ERICH2: variants seen among roughly 807,000 people sequenced by gnomAD.
ERICH2 encodes glutamate rich 2, also known as glutamate-rich protein 2.
A neutral mutation model predicts 17.4 loss-of-function variants in ERICH2; 17 were observed. The ratio of observed to expected loss-of-function variants is 0.98; its 90% CI spans 0.67 to 1.47. The LOEUF (loss-of-function observed/expected upper bound fraction) is 1.47, where lower values mean the gene tolerates loss of function less well. Ranked by LOEUF, ERICH2 falls within the 40% of genes most tolerant of loss-of-function variation. The pLI is 0.00. For missense variants in ERICH2, 186 were observed against 183.2 expected, an observed-to-expected ratio of 1.01 and a Z score of -0.09; for synonymous variants, 51 against 61.1, an observed-to-expected ratio of 0.83 and a Z score of 0.77.
chr2:170,796,434 T>TTG (rs1701420381), intron 3 of ERICH2, among the ~76,000 whole-genome samples: 1 of 26,104 alleles, frequency 3.8e-5, no homozygotes, highest in African/African-American at 9.3e-5. Context: ...CTTTGTTTTT[T>TTG]TTTTTGTTTT....
Position 170,798,245 on chromosome 2 carries a change from G to A in ERICH2, c.346+133G>A, listed in dbSNP as rs1330425970. 5 of 668,218 alleles carry A rather than the reference G, an allele frequency of 7.5e-6. No homozygotes were observed. The East Asian group carries it at 1.1e-4, about 15-fold the overall frequency. The allele number at this position is 668,218 out of a possible 1,614,324, so 41.4% of individuals were successfully genotyped here. On this transcript the variant is annotated intron_variant, in intron 4 of 4. Coordinates refer to ENST00000409885, the Ensembl canonical transcript of ERICH2. Reference sequence around the variant, plus strand: ...AAAAGGCTAAATGGCTGTCTTAAATGGTTTAGTGAAACAGCTTGTCCTCTG... The same window carrying A: ...AAAAGGCTAAATGGCTGTCTTAAATAGTTTAGTGAAACAGCTTGTCCTCTG...
At chr2:170,781,579 G>A (rs937730136), upstream of ERICH2, among the ~76,000 whole-genome samples, 1 of 151,128 alleles carries the variant, frequency 6.6e-6, no homozygotes, top group Non-Finnish European at 1.5e-5. Context: ...GTTGCAGTGA[G>A]CCGAGATCGC....
upstream of ERICH2, among the ~76,000 whole-genome samples, chr2:170,782,728 A>AT (rs1318974381): frequency 2.0e-5 from 3 of 152,222 alleles, no homozygotes; most frequent in Non-Finnish European, 4.4e-5. Flanking sequence ...CAAAATAGGG[A>AT]AAGCCCTTGT....
the ERICH2 span, among the ~76,000 whole-genome samples, chr2:170,774,155 C>G: frequency 6.6e-6 from 1 of 152,104 alleles, no homozygotes; most frequent in Admixed American, 6.5e-5. Flanking sequence ...CTGCTTTTTC[C>G]CTGGAGTCAG....
chr2:170,782,438 A>G (rs1238578560), upstream of ERICH2: 1 of 916,596 alleles, frequency 1.1e-6, no homozygotes, highest in Non-Finnish European at 1.3e-6. Flanking sequence ...TTCTAATTGA[A>G]CCCTCCTTTT....
At chr2:170,778,165 T>TA in the ERICH2 span, 6 of 152,294 alleles carry the variant, frequency 3.9e-5, no homozygotes, top group African/African-American at 1.4e-4. Flanking sequence ...AGATCAAGTG[T>TA]AAAAAAATCA....
At chr2:170,775,881 G>A in the ERICH2 span, among the ~76,000 whole-genome samples, 19 of 151,386 alleles carry the variant, frequency 1.3e-4, no homozygotes, top group South Asian at 2.1e-4. Context: ...AAAACAATAC[G>A]AAATAATGAC....
chr2:170,794,078 C>T, intron 3 of ERICH2, among the ~76,000 whole-genome samples: 1 of 144,286 alleles, frequency 6.9e-6, no homozygotes. Context: ...TTCTTTCCTT[C>T]CTTCCTTCCT....
chr2:170,780,473 A>G (rs980192083), upstream of ERICH2, among the ~76,000 whole-genome samples: 1 of 152,188 alleles, frequency 6.6e-6, no homozygotes, highest in South Asian at 2.1e-4. Flanking sequence ...CCAAATAGTA[A>G]TATTCCATTT....
upstream of ERICH2, among the ~76,000 whole-genome samples, chr2:170,779,341 A>G (rs527751467): frequency 3.3e-5 from 5 of 152,300 alleles, no homozygotes; most frequent in East Asian, 1.9e-4. Context: ...AGGGAAAACT[A>G]AAAGTTTTTT....
intron 3 of ERICH2, among the ~76,000 whole-genome samples, chr2:170,797,588 A>G (rs762028723): frequency 1.3e-5 from 2 of 152,116 alleles, no homozygotes; most frequent in African/African-American, 2.4e-5. Flanking sequence ...ACCTGAGGTC[A>G]GGAGTTTGAG....
At chr2:170,772,283 C>T in the ERICH2 span, among the ~76,000 whole-genome samples, 1 of 152,194 alleles carries the variant, frequency 6.6e-6, no homozygotes, top group African/African-American at 2.4e-5. Flanking sequence ...TCATTTGTGA[C>T]AGTTCACCTT....
upstream of ERICH2, among the ~76,000 whole-genome samples, chr2:170,782,955 A>G (rs1369193895): frequency 1.3e-5 from 2 of 152,020 alleles, no homozygotes; most frequent in African/African-American, 4.8e-5. Flanking sequence ...AAAAATTGCC[A>G]AGCACGCTAG....
intron 2 of ERICH2, among the ~76,000 whole-genome samples, chr2:170,788,937 CTTCTTCT>C (rs1285440261): frequency 1.8e-4 from 11 of 62,794 alleles, no homozygotes; most frequent in Non-Finnish European, 3.9e-4. Flanking sequence ...CCATATTCTT[CTTCTTCT>C]TTCTTTCTTT....
At chr2:170,794,989 G>C (rs577166364) in intron 3 of ERICH2, among the ~76,000 whole-genome samples, 1 of 152,218 alleles carries the variant, frequency 6.6e-6, no homozygotes, top group African/African-American at 2.4e-5. Flanking sequence ...CACAAATATA[G>C]AATTTTTTTT....
chr2:170,782,039 A>G (rs533406909), upstream of ERICH2, among the ~76,000 whole-genome samples: 20 of 152,360 alleles, frequency 1.3e-4, no homozygotes, highest in Admixed American at 4.6e-4. Context: ...GTTATACGAT[A>G]ACAAATGCCA....
intron 3 of ERICH2, among the ~76,000 whole-genome samples, chr2:170,794,423 T>C (rs1701369077): frequency 6.6e-6 from 1 of 152,144 alleles, no homozygotes; most frequent in Non-Finnish European, 1.5e-5. Flanking sequence ...CTTTTATTTC[T>C]ATGTGTCAGT....
upstream of ERICH2, among the ~76,000 whole-genome samples, chr2:170,781,368 G>GTA (rs1701024022): frequency 6.6e-6 from 1 of 152,164 alleles, no homozygotes; most frequent in African/African-American, 2.4e-5. Flanking sequence ...GGGCACAGTG[G>GTA]TTCATGCCTG....
intron 1 of ERICH2, chr2:170,783,974 T>C (rs1468830022): frequency 3.4e-6 from 5 of 1,458,982 alleles, no homozygotes; most frequent in Non-Finnish European, 3.8e-6. Context: ...TTTAGAGTCA[T>C]TAGTTTTACC....
Sources: allele counts gnomAD v4.1 joint callset (sites outside exome capture counted in the v4.1 genomes callset), GRCh38; gene constraint gnomAD v4.1.1; transcripts MANE v1.5; gene names NCBI Gene and HGNC (gene_info 2026-07-23, HGNC 2026-07-21).